Variants in DMD observed in about 807,000 individuals in gnomAD.
DMD encodes dystrophin, also known as mutant dystrophin.
In DMD, 63 loss-of-function variants were observed where a neutral mutation model predicts 330.1. That is an observed-to-expected ratio of 0.19 (90% CI 0.16 to 0.24). DMD has a LOEUF of 0.24. Among genes scored for constraint, DMD ranks in the 10% least tolerant of loss-of-function variants. The pLI is 1.00. For synonymous variants in DMD, 1,223 were observed against 959.8 expected, an observed-to-expected ratio of 1.27 and a Z score of -5.07; for missense variants, 3,344 against 2,684.1, an observed-to-expected ratio of 1.25 and a Z score of -5.43.
At chrX:31,397,847 T>C (rs1046640096) in intron 60 of DMD, among the ~76,000 whole-genome samples, 2 of 112,393 alleles carry the variant, frequency 1.8e-5, no homozygotes, top group African/African-American at 6.5e-5. Flanking sequence ...TTTCCTTCTC[T>C]CACTTTGAGC....
intron 8 of DMD, 125 bp downstream of exon 8, chrX:32,698,987 C>A: frequency 1.7e-6 from 1 of 602,142 alleles, no homozygotes; most frequent in Non-Finnish European, 2.7e-6. Flanking sequence ...CATATACATA[C>A]ATTAGGCTTT....
At chrX:32,199,780 T>TTGTGTGTGTGTGTGTGTGTGTGTGTG (rs35897988) in intron 44 of DMD, among the ~76,000 whole-genome samples, 1 of 84,137 alleles carries the variant, frequency 1.2e-5, no homozygotes, top group African/African-American at 4.7e-5. Flanking sequence ...CGCAAGGCTT[T>TTGTGTGTGTGTGTGTGTGTGTGTGTG]TGTGTGTGTG....
chrX:32,984,493 G>A (rs934510464), intron 2 of DMD, among the ~76,000 whole-genome samples: 1 of 111,703 alleles, frequency 9.0e-6, no homozygotes, highest in Admixed American at 9.5e-5. Context: ...GACCTCAGGT[G>A]ATCCACCCGC....
intron 7 of DMD, among the ~76,000 whole-genome samples, chrX:32,707,398 A>G (rs2064772647): frequency 8.9e-6 from 1 of 112,157 alleles, no homozygotes; most frequent in Admixed American, 9.5e-5. Context: ...GAAGCTCTGC[A>G]GTGTTAATAC....
chrX:32,666,058 A>G (rs16990562), intron 9 of DMD, among the ~76,000 whole-genome samples: 1,147 of 111,023 alleles, frequency 0.01, 16 homozygotes, highest in African/African-American at 0.036. Context: ...TATACTGAGG[A>G]CTTCAACAAA....
intron 29 of DMD, among the ~76,000 whole-genome samples, chrX:32,421,865 G>A (rs907561520): frequency 6.3e-5 from 7 of 111,666 alleles, no homozygotes; most frequent in African/African-American, 2.3e-4. Context: ...AGCCATGCAG[G>A]ACTGCTTAGC....
At chrX:31,263,021 G>C (rs2050678087) in intron 62 of DMD, among the ~76,000 whole-genome samples, 1 of 112,811 alleles carries the variant, frequency 8.9e-6, no homozygotes, top group Non-Finnish European at 1.9e-5. Flanking sequence ...GAAAGGAAGA[G>C]CGAAGAGAGG....
At chrX:32,453,861 A>T (rs774012211) in intron 26 of DMD, among the ~76,000 whole-genome samples, 1 of 111,280 alleles carries the variant, frequency 9.0e-6, no homozygotes, top group East Asian at 2.8e-4. Flanking sequence ...TAATATTTCA[A>T]GTCATTCTCT....
intron 44 of DMD, among the ~76,000 whole-genome samples, chrX:32,214,189 G>A (rs1291094101): frequency 2.0e-5 from 2 of 101,628 alleles, no homozygotes. Flanking sequence ...AAAGGAGGCT[G>A]AACTTAATCT....
intron 19 of DMD, among the ~76,000 whole-genome samples, chrX:32,495,631 A>G (rs772411633): frequency 4.5e-5 from 5 of 112,105 alleles, no homozygotes; most frequent in African/African-American, 1.6e-4. Flanking sequence ...ATTTTCTAAG[A>G]AAGTCCATTA....
At chrX:32,781,594 C>A (rs1288694296) in intron 7 of DMD, among the ~76,000 whole-genome samples, 1 of 110,033 alleles carries the variant, frequency 9.1e-6, no homozygotes, top group Non-Finnish European at 1.9e-5. Flanking sequence ...TGCCTCTACT[C>A]CAGTAATCCC....
At chrX:31,247,960 T>A (rs1246990745) in intron 63 of DMD, among the ~76,000 whole-genome samples, 1 of 111,731 alleles carries the variant, frequency 9.0e-6, no homozygotes, top group Non-Finnish European at 1.9e-5. Flanking sequence ...AAGAGTCAAC[T>A]GAGTGGCAGT....
chrX:31,499,179 C>G (rs2070171557), intron 56 of DMD, among the ~76,000 whole-genome samples: 1 of 111,483 alleles, frequency 9.0e-6, no homozygotes, highest in African/African-American at 3.3e-5. Flanking sequence ...TTGACTGCCC[C>G]TAAGTCTCTA....
At chrX:31,502,590 T>C (rs1169842709) in intron 56 of DMD, among the ~76,000 whole-genome samples, 1 of 111,633 alleles carries the variant, frequency 9.0e-6, no homozygotes, top group Non-Finnish European at 1.9e-5. Flanking sequence ...TGTATAAATG[T>C]GAACATTTTA....
At chrX:31,824,529 G>C (rs1485029169) in intron 49 of DMD, among the ~76,000 whole-genome samples, 1 of 111,838 alleles carries the variant, frequency 8.9e-6, no homozygotes, top group African/African-American at 3.2e-5. Flanking sequence ...GGGATTGCAG[G>C]CATGAGCCAC....
At chrX:32,558,409 G>A (rs1463343791) in intron 16 of DMD, among the ~76,000 whole-genome samples, 1 of 111,839 alleles carries the variant, frequency 8.9e-6, no homozygotes, top group Non-Finnish European at 1.9e-5. Flanking sequence ...ACTTGTATTT[G>A]TCTTTATGTG....
chrX:32,664,312 G>T (rs1008064870), intron 9 of DMD, among the ~76,000 whole-genome samples: 4 of 98,656 alleles, frequency 4.1e-5, no homozygotes, highest in African/African-American at 1.5e-4. Flanking sequence ...CGCGATATCC[G>T]CTCACTACAA....
At chrX:31,167,697 C>T (rs946783731) in intron 74 of DMD, among the ~76,000 whole-genome samples, 9 of 111,575 alleles carry the variant, frequency 8.1e-5, no homozygotes, top group Non-Finnish European at 1.1e-4. Flanking sequence ...CTCAAAAGTA[C>T]GGCCAAAAAT....
intron 30 of DMD, among the ~76,000 whole-genome samples, chrX:32,408,467 T>C (rs1470126999): frequency 8.9e-6 from 1 of 111,987 alleles, no homozygotes; most frequent in Non-Finnish European, 1.9e-5. Context: ...ACATACAGTA[T>C]GCATTTCCTT....
Sources: allele counts gnomAD v4.1 joint callset (sites outside exome capture counted in the v4.1 genomes callset), GRCh38; gene constraint gnomAD v4.1.1; transcripts MANE v1.5; gene names NCBI Gene and HGNC (gene_info 2026-07-23, HGNC 2026-07-21).